MEF2A: variants seen among roughly 807,000 people sequenced by gnomAD.
MEF2A encodes the protein myocyte enhancer factor 2A.
MEF2A carries 28 observed loss-of-function variants against 55.8 expected under a neutral mutation model. That is an observed-to-expected ratio of 0.50 (90% CI 0.37 to 0.69). The LOEUF (loss-of-function observed/expected upper bound fraction) is 0.69, where lower values mean the gene tolerates loss of function less well. Ranked by LOEUF, MEF2A falls within the 30% of genes least tolerant of loss-of-function variation. The pLI, the probability that MEF2A is intolerant of heterozygous loss-of-function variation, is 0.00. For synonymous variants in MEF2A, 239 were observed against 227.1 expected (o/e 1.05, Z -0.47); for missense variants, 528 against 626.2 (o/e 0.84, Z 1.67).
At chr15:99,626,911 C>T (rs1438812143) in intron 2 of MEF2A, among the ~76,000 whole-genome samples, 2 of 151,960 alleles carry the variant, frequency 1.3e-5, no homozygotes, top group Admixed American at 1.3e-4. Flanking sequence ...ATAAAATAAT[C>T]AACAAGGAAT....
intron 2 of MEF2A, among the ~76,000 whole-genome samples, chr15:99,609,248 T>A (rs184000537): frequency 1.1e-3 from 175 of 152,362 alleles, no homozygotes; most frequent in Non-Finnish European, 2.2e-3. Flanking sequence ...TTTTTCTCAA[T>A]GCTGTGTGTA....
intron 4 of MEF2A, among the ~76,000 whole-genome samples, chr15:99,647,223 A>G (rs1004936327): frequency 1.3e-5 from 2 of 151,304 alleles, no homozygotes; most frequent in East Asian, 1.9e-4. Flanking sequence ...TTAGGGTATC[A>G]TTCAGGTAAG....
In MEF2A at chr15:99,674,502, C is replaced by T; in HGVS notation, c.500C>T (p.Ala167Val). The change falls in exon 6 of 12, where the codon GCA becomes GTA. Residue 167 changes from alanine to valine, a missense_variant. Physicochemically the swap from Ala to Val is moderately conservative, Grantham distance 64. Around this residue, in one of 2 missense-constraint regions of MEF2A, gnomAD observed 450 missense variants for 475.3 expected, o/e 0.95. Transcript: ENST00000557942. ...PGSSLVSPSL[A>V]ASSTLTDSSM... is the part of the protein sequence containing the mutation. ...AGTTCACTGGTGTCCCCATCTTTGG[C>T]AGCCAGCTCAACGTTAACAGATTCA... The T allele has an allele frequency of 6.2e-7, 1 of 1,613,996 alleles. No homozygotes were observed. Among genetic ancestry groups the T allele is most frequent in the Non-Finnish European group, 8.5e-7 (1 of 1,179,872 alleles).
At chr15:99,710,841 T>C (rs2058564776) in intron 11 of MEF2A, 81 bp downstream of exon 11, 1 of 1,486,284 alleles carries the variant, frequency 6.7e-7, no homozygotes. Context: ...CCTTTTGCTC[T>C]GTTGAGTTTC....
chr15:99,622,420 T>C (rs977784597), intron 2 of MEF2A, among the ~76,000 whole-genome samples: 17 of 152,212 alleles, frequency 1.1e-4, no homozygotes, highest in Non-Finnish European at 2.2e-4. Context: ...CTTTACCATA[T>C]TGAAAAATCA....
chr15:99,638,107 T>G (rs1445965427), intron 3 of MEF2A, among the ~76,000 whole-genome samples: 1 of 152,252 alleles, frequency 6.6e-6, no homozygotes, highest in African/African-American at 2.4e-5. Context: ...TGCATAATTT[T>G]TAATTGTTTT....
At chr15:99,682,417 T>C (rs2053409197) in intron 7 of MEF2A, among the ~76,000 whole-genome samples, 1 of 152,218 alleles carries the variant, frequency 6.6e-6, no homozygotes, top group African/African-American at 2.4e-5. Context: ...TTAGTGTAGA[T>C]ACTGTAGTTC....
At chr15:99,593,739 T>G (rs922116612) in intron 1 of MEF2A, among the ~76,000 whole-genome samples, 1 of 152,224 alleles carries the variant, frequency 6.6e-6, no homozygotes, top group African/African-American at 2.4e-5. Flanking sequence ...TGAAGTCATT[T>G]CATTTAACCA....
At chr15:99,623,034 A>G (rs1181653893) in intron 2 of MEF2A, among the ~76,000 whole-genome samples, 2 of 152,012 alleles carry the variant, frequency 1.3e-5, no homozygotes, top group African/African-American at 4.8e-5. Flanking sequence ...GAAACTCTGT[A>G]CTCATTACAC....
chr15:99,575,505 T>C (rs1365276443), intron 1 of MEF2A, among the ~76,000 whole-genome samples: 1 of 152,194 alleles, frequency 6.6e-6, no homozygotes, highest in Non-Finnish European at 1.5e-5. Flanking sequence ...CATCACATCA[T>C]GAGGCAGTAC....
intron 2 of MEF2A, among the ~76,000 whole-genome samples, chr15:99,616,287 A>G (rs1246353549): frequency 6.6e-6 from 1 of 152,224 alleles, no homozygotes; most frequent in Non-Finnish European, 1.5e-5. Context: ...ATTTTATAAT[A>G]TCTGCGAATA....
At chr15:99,617,447 G>T (rs1423388877) in intron 2 of MEF2A, among the ~76,000 whole-genome samples, 3 of 152,078 alleles carry the variant, frequency 2.0e-5, no homozygotes, top group Non-Finnish European at 4.4e-5. Context: ...AGCAGAGAAA[G>T]AATATTTATG....
At chr15:99,588,165 G>GTTGT (rs1567170042) in intron 1 of MEF2A, among the ~76,000 whole-genome samples, 1 of 152,162 alleles carries the variant, frequency 6.6e-6, no homozygotes, top group Non-Finnish European at 1.5e-5. Flanking sequence ...TGCCCAGGCT[G>GTTGT]TTGTACAGTG....
At chr15:99,675,359 T>C (rs778517330) in intron 6 of MEF2A, 40 bp from the exon 7 acceptor site, 1 of 1,561,596 alleles carries the variant, frequency 6.4e-7, no homozygotes, top group Non-Finnish European at 8.8e-7. Context: ...TAATTCATAT[T>C]CATTCTCTGC....
chr15:99,575,696 C>G (rs996062641), intron 1 of MEF2A, among the ~76,000 whole-genome samples: 1 of 152,182 alleles, frequency 6.6e-6, no homozygotes, highest in Non-Finnish European at 1.5e-5. Flanking sequence ...TTTTAGCATT[C>G]ATTGATTACT....
chr15:99,624,163 G>C (rs968151678), intron 2 of MEF2A, among the ~76,000 whole-genome samples: 1 of 152,064 alleles, frequency 6.6e-6, no homozygotes, highest in Admixed American at 6.6e-5. Flanking sequence ...TGATAGTGCC[G>C]TTTGATGCAC....
Position 99,594,454 on chromosome 15 carries a change from T to C in MEF2A, c.-224-3976T>C, listed in dbSNP as rs963193453. On this transcript the variant is annotated intron_variant, in intron 1 of 11. Coordinates refer to ENST00000557942, the MANE Select transcript of MEF2A (RefSeq NM_001319206.4). ...TGGAAGCACTCCAAACCCTGTCCTTTCTTTCTTTTTTTTTTTTTTTTTTTT... is the reference window on the plus strand; with the variant it reads ...TGGAAGCACTCCAAACCCTGTCCTTCCTTTCTTTTTTTTTTTTTTTTTTTT... 1.5e-4 allele frequency among the ~76,000 whole-genome samples: 14 copies of C among 94,056 alleles called. No individual in the cohort carries two copies. The South Asian group carries it at 5.1e-3, about 34-fold the overall frequency. 61.7% of individuals were successfully genotyped at this position (94,056 alleles called of 152,430 possible).
At chr15:99,612,665 A>G (rs2039485501) in intron 2 of MEF2A, among the ~76,000 whole-genome samples, 1 of 152,154 alleles carries the variant, frequency 6.6e-6, no homozygotes, top group Admixed American at 6.6e-5. Context: ...TGATTGTGCT[A>G]CTGCGTTCCA....
chr15:99,651,658 A>G (rs2046866920), intron 4 of MEF2A, among the ~76,000 whole-genome samples: 1 of 152,188 alleles, frequency 6.6e-6, no homozygotes, highest in East Asian at 1.9e-4. Context: ...TCACTGCACC[A>G]TCGCCTCACA....
Sources: allele counts gnomAD v4.1 joint callset (sites outside exome capture counted in the v4.1 genomes callset), GRCh38; gene constraint gnomAD v4.1.1; regional missense constraint gnomAD v4.1.1; transcripts MANE v1.5; gene names NCBI Gene and HGNC (gene_info 2026-07-23, HGNC 2026-07-21).